Variants in AUTS2 observed in about 807,000 individuals in gnomAD.
The protein encoded by AUTS2 is activator of transcription and developmental regulator AUTS2, also known as autism susceptibility gene 2 protein.
Under a neutral mutation model 112.4 loss-of-function variants are expected in AUTS2, and 17 were observed. The observed-to-expected ratio is 0.15, with a 90% CI of 0.10 to 0.23. The LOEUF (loss-of-function observed/expected upper bound fraction) is 0.23. Ranked by LOEUF, AUTS2 falls within the 10% of genes least tolerant of loss-of-function variation. AUTS2 has a pLI of 1.00. For missense variants in AUTS2, 1,510 were observed against 1,701.6 expected, an observed-to-expected ratio of 0.89 and a Z score of 1.98; for synonymous variants, 751 against 702.7, an observed-to-expected ratio of 1.07 and a Z score of -1.09.
chr7:70,256,686 A>T (rs1372423813), intron 4 of AUTS2, among the ~76,000 whole-genome samples: 1 of 152,176 alleles, frequency 6.6e-6, no homozygotes, highest in Non-Finnish European at 1.5e-5. Flanking sequence ...TTTTAGGGAC[A>T]ACTTGCCCTT....
rs575058248 is a variant in AUTS2, at chr7:70,339,743, G to A, written c.661-96009G>A. Among the ~76,000 whole-genome samples the A allele has an allele frequency of 1.4e-3, 216 of 152,280 alleles. 4 individuals are homozygous for A. Among genetic ancestry groups the A allele is most frequent in the South Asian group, 7.3e-3 (35 of 4,818 alleles). ...TTTAAGTCTCAGATTGTTCAAGGTGGGGTAGAGAATAGGGCCTGGATTTTT... is the reference window on the plus strand; with the variant it reads ...TTTAAGTCTCAGATTGTTCAAGGTGAGGTAGAGAATAGGGCCTGGATTTTT... On this transcript the variant is annotated intron_variant, in intron 4 of 18. Transcript: ENST00000342771.
At chr7:70,440,946 T>G (rs1032535324) in intron 5 of AUTS2, among the ~76,000 whole-genome samples, 1 of 152,224 alleles carries the variant, frequency 6.6e-6, no homozygotes, top group Non-Finnish European at 1.5e-5. Flanking sequence ...CAACTGGTTT[T>G]GAGAACTACT....
intron 1 of AUTS2, among the ~76,000 whole-genome samples, chr7:69,843,812 G>A (rs924244635): frequency 5.9e-5 from 9 of 152,140 alleles, no homozygotes; most frequent in African/African-American, 2.2e-4. Context: ...TAGAGAAGAG[G>A]AAACTGAGAT....
intron 5 of AUTS2, among the ~76,000 whole-genome samples, chr7:70,595,294 T>A (rs909686336): frequency 6.6e-6 from 1 of 152,068 alleles, no homozygotes; most frequent in Admixed American, 6.5e-5. Context: ...GTGGCTGAAA[T>A]TCAGGAATTA....
chr7:70,271,055 C>T (rs781567443), intron 4 of AUTS2, among the ~76,000 whole-genome samples: 9 of 152,010 alleles, frequency 5.9e-5, no homozygotes, highest in South Asian at 2.1e-4. Context: ...GGTTCCACCC[C>T]GGAGTTCAGG....
intron 1 of AUTS2, among the ~76,000 whole-genome samples, chr7:69,608,776 T>G (rs948327233): frequency 6.6e-6 from 1 of 152,218 alleles, no homozygotes; most frequent in Non-Finnish European, 1.5e-5. Context: ...AGAAATGATT[T>G]TATATAGTTG....
At chr7:70,186,066 T>C (rs1197977338) in intron 4 of AUTS2, among the ~76,000 whole-genome samples, 1 of 152,232 alleles carries the variant, frequency 6.6e-6, no homozygotes, top group African/African-American at 2.4e-5. Flanking sequence ...CAGAATGATA[T>C]TTTGACATTC....
At position 69,599,594 on chromosome 7, in the gene AUTS2, T is replaced by G; in HGVS notation, c.-60T>G. Reference sequence around the variant, plus strand: ...GGAGGGCTCGGTGTCAATTTTTTTTTGTGTGGCTGCGGCCGTAGCCTGTGG... The same window carrying G: ...GGAGGGCTCGGTGTCAATTTTTTTTGGTGTGGCTGCGGCCGTAGCCTGTGG... On this transcript the variant is annotated 5_prime_UTR_variant, in exon 1 of 19. Transcript: ENST00000342771. The surrounding 1 kb of genome is among the most constrained non-coding windows in gnomAD (Gnocchi z 7.0). 2 of 1,242,176 alleles carry G rather than the reference T, an allele frequency of 1.6e-6. No homozygotes were observed. Among genetic ancestry groups the G allele is most frequent in the Non-Finnish European group, 2.0e-6 (2 of 993,528 alleles). 76.9% of individuals were successfully genotyped at this position (1,242,176 alleles called of 1,614,324 possible). A position where few individuals can be genotyped will look rare whatever the true frequency, so the allele number is the denominator to read the frequency against.
intron 5 of AUTS2, among the ~76,000 whole-genome samples, chr7:70,511,903 C>A (rs143096422): frequency 1.3e-5 from 2 of 152,040 alleles, no homozygotes; most frequent in African/African-American, 4.8e-5. Context: ...TTAAGTGTTC[C>A]CACTTTCACT....
At chr7:69,939,402 C>A (rs192892290) in intron 2 of AUTS2, among the ~76,000 whole-genome samples, 74 of 152,264 alleles carry the variant, frequency 4.9e-4, no homozygotes, top group Non-Finnish European at 4.0e-4. Flanking sequence ...TACTTAGGTT[C>A]TCTGTGCCCC....
chr7:70,585,774 A>G (rs1802654099), intron 5 of AUTS2, among the ~76,000 whole-genome samples: 1 of 152,220 alleles, frequency 6.6e-6, no homozygotes, highest in Non-Finnish European at 1.5e-5. Context: ...CCAGTGAATT[A>G]GAATCTCTTG....
intron 1 of AUTS2, among the ~76,000 whole-genome samples, chr7:69,713,933 T>C (rs116544729): frequency 2.8e-4 from 43 of 152,322 alleles, no homozygotes; most frequent in African/African-American, 1.0e-3. Flanking sequence ...TTATGGAGTA[T>C]GCTTTTGGTC....
intron 1 of AUTS2, among the ~76,000 whole-genome samples, chr7:69,688,722 G>T (rs541171223): frequency 9.2e-5 from 14 of 152,216 alleles, no homozygotes; most frequent in African/African-American, 2.9e-4. Flanking sequence ...CACTATAATA[G>T]AACTTACTCC....
At chr7:70,256,899 C>T (rs577704228) in intron 4 of AUTS2, among the ~76,000 whole-genome samples, 28 of 151,628 alleles carry the variant, frequency 1.8e-4, no homozygotes, top group African/African-American at 6.5e-4. Context: ...ATTGCCTTCA[C>T]AGTCAACTTT....
chr7:70,350,120 AGT>A (rs34136952), intron 4 of AUTS2, among the ~76,000 whole-genome samples: 13,011 of 152,204 alleles, frequency 0.085, 747 homozygotes, highest in African/African-American at 0.16. Flanking sequence ...GAGATTTAAA[AGT>A]GTGAGCAGGC....
At chr7:70,379,363 G>A (rs894741211) in intron 4 of AUTS2, among the ~76,000 whole-genome samples, 6 of 152,000 alleles carry the variant, frequency 3.9e-5, no homozygotes, top group East Asian at 1.9e-4. Flanking sequence ...TTAGCAGGGC[G>A]TGGTGGTGTG....
chr7:70,560,344 CT>C lies in AUTS2; in HGVS notation c.690+124564del, dbSNP rs568858088. ...TATTCACTTACTTACTGCCTGTCTGCTCCATTGAAGTGTTGGTGCCACAAGG... is the reference window on the plus strand; with the variant it reads ...TATTCACTTACTTACTGCCTGTCTGCCCATTGAAGTGTTGGTGCCACAAGG... On this transcript the variant is annotated intron_variant, in intron 5 of 18. Coordinates refer to ENST00000342771, the MANE Select transcript of AUTS2 (RefSeq NM_015570.4). 7.1e-3 allele frequency among the ~76,000 whole-genome samples: 1,089 copies of C among 152,314 alleles called. 15 individuals carry two copies. The highest frequency in any genetic ancestry group is 0.025 in the African/African-American group (1,047 of 41,556).
chr7:70,411,713 C>T (rs1794783508), intron 4 of AUTS2, among the ~76,000 whole-genome samples: 1 of 152,224 alleles, frequency 6.6e-6, no homozygotes, highest in South Asian at 2.1e-4. Flanking sequence ...TTCCAATCCT[C>T]AGTCAACAGA....
intron 1 of AUTS2, among the ~76,000 whole-genome samples, chr7:69,609,055 T>G (rs1273976749): frequency 6.6e-6 from 1 of 152,240 alleles, no homozygotes; most frequent in Non-Finnish European, 1.5e-5. Flanking sequence ...GGCACAGATG[T>G]TGTCTTTAGT....
Sources: gnomAD v4.1 joint callset for allele counts (sites outside exome capture counted in the v4.1 genomes callset) on GRCh38, gnomAD v4.1.1 for gene constraint, Gnocchi (gnomAD v3.1) non-coding constraint, MANE v1.5 for transcripts, NCBI Gene and HGNC (gene_info 2026-07-23, HGNC 2026-07-21) for gene names.